The following MGAT4C variants were observed in gnomAD, a reference collection of about 807,000 sequenced individuals.
MGAT4C encodes MGAT4 family member C.
A neutral mutation model predicts 40.1 loss-of-function variants in MGAT4C; 19 were observed. That is an observed-to-expected ratio of 0.47 (90% CI 0.33 to 0.70). The LOEUF (loss-of-function observed/expected upper bound fraction) is 0.70. Ranked by LOEUF, MGAT4C falls within the 30% of genes least tolerant of loss-of-function variation. MGAT4C has a pLI of 0.02. For missense variants in MGAT4C, 491 were observed against 563.2 expected, an observed-to-expected ratio of 0.87 and a Z score of 1.30; for synonymous variants, 181 against 187.1, an observed-to-expected ratio of 0.97 and a Z score of 0.27.
chr12:86,352,664 G>A (rs1955191943), intron 3 of MGAT4C, among the ~76,000 whole-genome samples: 1 of 151,936 alleles, frequency 6.6e-6, no homozygotes, highest in Admixed American at 6.6e-5. Flanking sequence ...TTTCTTAGTT[G>A]CATTTTTTGG....
chr12:86,312,589 T>C (rs1204325100), intron 4 of MGAT4C, among the ~76,000 whole-genome samples: 2 of 152,204 alleles, frequency 1.3e-5, no homozygotes, highest in Non-Finnish European at 2.9e-5. Flanking sequence ...TCAGGTTGAA[T>C]GGTGTAAGAT....
At chr12:86,633,929 C>T (rs1049397726) in intron 2 of MGAT4C, among the ~76,000 whole-genome samples, 8 of 151,340 alleles carry the variant, frequency 5.3e-5, no homozygotes, top group African/African-American at 1.2e-4. Context: ...TTTTTATTAT[C>T]GCAATGGGCA....
chr12:86,376,790 CAGAGAG>C (rs1157679938), intron 3 of MGAT4C, among the ~76,000 whole-genome samples: 1 of 121,262 alleles, frequency 8.2e-6, no homozygotes, highest in African/African-American at 3.2e-5. Flanking sequence ...GAGAGAGAGA[CAGAGAG>C]AGAGAGACAG....
intron 2 of MGAT4C, among the ~76,000 whole-genome samples, chr12:86,605,142 A>T (rs1961999437): frequency 6.6e-6 from 1 of 152,148 alleles, no homozygotes; most frequent in African/African-American, 2.4e-5. Context: ...TGGTCTCATT[A>T]TAACTGACCA....
intron 4 of MGAT4C, among the ~76,000 whole-genome samples, chr12:86,329,934 G>T (rs1468547757): frequency 6.6e-6 from 1 of 152,148 alleles, no homozygotes; most frequent in African/African-American, 2.4e-5. Context: ...AATCATAGGT[G>T]TTTGTGTGTT....
intron 2 of MGAT4C, among the ~76,000 whole-genome samples, chr12:86,677,645 T>C (rs1949892667): frequency 6.6e-6 from 1 of 152,160 alleles, no homozygotes; most frequent in Admixed American, 6.6e-5. Flanking sequence ...GAAAAATAAA[T>C]ATTCTTTAAT....
intron 2 of MGAT4C, among the ~76,000 whole-genome samples, chr12:86,693,210 T>TA (rs2136601285): frequency 6.6e-6 from 1 of 152,340 alleles, no homozygotes; most frequent in African/African-American, 2.4e-5. Context: ...GAAGGTGCGT[T>TA]AGAGTATCTA....
intron 3 of MGAT4C, among the ~76,000 whole-genome samples, chr12:86,371,974 C>T (rs1592755691): frequency 6.6e-6 from 1 of 151,472 alleles, no homozygotes; most frequent in Admixed American, 6.6e-5. Flanking sequence ...TCAACATTTG[C>T]CTTTGGGTAC....
chr12:86,598,569 T>A (rs2136456868), intron 2 of MGAT4C, among the ~76,000 whole-genome samples: 1 of 152,226 alleles, frequency 6.6e-6, no homozygotes, highest in Middle Eastern at 3.4e-3. Context: ...TTGATAAAAG[T>A]TAGCAAAAAT....
At position 85,986,201 on chromosome 12, in the gene MGAT4C, C is replaced by G. The variant is rs1475575724; in HGVS notation, c.148-2531G>C. On this transcript the variant is annotated intron_variant, in intron 3 of 4. Coordinates refer to ENST00000611864, the MANE Select transcript of MGAT4C (RefSeq NM_001351288.2). ...CCTTGTTGGCTGCTTTCCAGAGTCA[C>G]CTACCTGAACAGCCAGGCTCTCCCT... 2.0e-5 allele frequency among the ~76,000 whole-genome samples: 3 copies of G among 152,194 alleles called. No homozygotes were observed. In the East Asian group the frequency reaches 5.8e-4, roughly 29 times the overall value.
chr12:86,369,708 A>G (rs1164850033), intron 3 of MGAT4C, among the ~76,000 whole-genome samples: 1 of 151,928 alleles, frequency 6.6e-6, no homozygotes, highest in African/African-American at 2.4e-5. Context: ...TCCTTTTTCA[A>G]CAGCATTGAC....
Position 85,966,494 on chromosome 12 carries a change from T to A in MGAT4C, c.*12795A>T, listed in dbSNP as rs1012031305. The A allele has an allele frequency of 6.6e-6, 1 of 152,198 alleles. No homozygotes were observed. The highest frequency in any genetic ancestry group is 1.5e-5 in the Non-Finnish European group (1 of 68,028). The allele number at this position is 152,198 out of a possible 1,614,324, so 9.4% of individuals were successfully genotyped here. A position where few individuals can be genotyped will look rare whatever the true frequency, so the allele number is the denominator to read the frequency against. On this transcript the variant is annotated 3_prime_UTR_variant, in exon 5 of 5. Transcript: ENST00000611864. ...TCTAATTACATAACCAAAATCTTTTTAAAAATTCTTAGTTCTTTTAGAAAT... is the reference window on the plus strand; with the variant it reads ...TCTAATTACATAACCAAAATCTTTTAAAAAATTCTTAGTTCTTTTAGAAAT...
At chr12:86,095,643 T>A (rs1444459001) in intron 1 of MGAT4C, among the ~76,000 whole-genome samples, 1 of 151,762 alleles carries the variant, frequency 6.6e-6, no homozygotes, top group Non-Finnish European at 1.5e-5. Flanking sequence ...TTTCTTTTTT[T>A]TTTTTCCTTC....
chr12:86,360,953 T>G (rs896468172), intron 3 of MGAT4C, among the ~76,000 whole-genome samples: 2 of 152,254 alleles, frequency 1.3e-5, no homozygotes, highest in African/African-American at 4.8e-5. Flanking sequence ...ATCAAGCTAC[T>G]GATGACTTTC....
chr12:86,403,620 TG>T (rs1956411325), intron 3 of MGAT4C, among the ~76,000 whole-genome samples: 3 of 152,238 alleles, frequency 2.0e-5, no homozygotes, highest in Non-Finnish European at 4.4e-5. Context: ...TTTAAGTTTT[TG>T]AAATTTTCGC....
rs546716354 is a variant in MGAT4C, at chr12:86,780,736, C to T, written c.-261-53495G>A. 3.3e-5 allele frequency among the ~76,000 whole-genome samples: 5 copies of T among 152,228 alleles called. No individual in the cohort carries two copies. In the East Asian group the frequency reaches 9.7e-4, roughly 29 times the overall value. On this transcript the variant is annotated intron_variant, in intron 1 of 7. Coordinates refer to the MGAT4C transcript ENST00000548651. ...GTGTGAGAAAGAACTAATACATGGGCTTTTAGTGTAAACATCACCCAAATA... is the reference window on the plus strand; with the variant it reads ...GTGTGAGAAAGAACTAATACATGGGTTTTTAGTGTAAACATCACCCAAATA...
intron 2 of MGAT4C, among the ~76,000 whole-genome samples, chr12:86,454,731 T>C (rs1244414944): frequency 6.6e-6 from 1 of 152,098 alleles, no homozygotes; most frequent in Non-Finnish European, 1.5e-5. Context: ...TTCAATGATA[T>C]GGGGAAAAAT....
chr12:86,811,027 CAA>C (rs68122891), intron 1 of MGAT4C, among the ~76,000 whole-genome samples: 94 of 47,782 alleles, frequency 2.0e-3, no homozygotes, highest in South Asian at 3.3e-3. Flanking sequence ...TAGTCCTTGT[CAA>C]AGATTTTATA....
intron 2 of MGAT4C, among the ~76,000 whole-genome samples, chr12:86,438,804 G>A (rs1957179132): frequency 6.6e-6 from 1 of 151,780 alleles, no homozygotes; most frequent in East Asian, 1.9e-4. Context: ...AATGGAAACT[G>A]AGGGCAAGCA....
Sources: gnomAD v4.1 joint callset for allele counts (sites outside exome capture counted in the v4.1 genomes callset) on GRCh38, gnomAD v4.1.1 for gene constraint, MANE v1.5 for transcripts, NCBI Gene and HGNC (gene_info 2026-07-23, HGNC 2026-07-21) for gene names.